The following WNT9B variants were observed in gnomAD, a reference collection of about 807,000 sequenced individuals.
WNT9B encodes the protein protein Wnt-9b.
WNT9B carries 12 observed loss-of-function variants against 30.2 expected under a neutral mutation model. The observed-to-expected ratio is 0.40, with a 90% CI of 0.26 to 0.64. The LOEUF (loss-of-function observed/expected upper bound fraction) is 0.64, where lower values mean the gene tolerates loss of function less well. Among genes scored for constraint, WNT9B ranks in the 30% least tolerant of loss-of-function variants. The probability of loss-of-function intolerance (pLI) is 0.42; values close to 1 mark genes in which losing one functional copy is unlikely to be tolerated. For synonymous variants in WNT9B, 218 were observed against 216.9 expected, an observed-to-expected ratio of 1.01 and a Z score of -0.05; for missense variants, 442 against 485.2, an observed-to-expected ratio of 0.91 and a Z score of 0.84.
In WNT9B at chr17:46,878,142, C is replaced by A. The variant is rs1023683593; in HGVS notation, c.*1424C>A. ...GGGTCCCCTTGCTGGAGGCATTGTA[C>A]TTCCCCAGAGTGGGGCCCGATGCCA... On this transcript the variant is annotated 3_prime_UTR_variant, in exon 4 of 4. Coordinates refer to ENST00000290015, the MANE Select transcript of WNT9B (RefSeq NM_003396.3). Among the ~76,000 whole-genome samples, 6 of 152,238 alleles carry A rather than the reference C, an allele frequency of 3.9e-5. No individual in the cohort carries two copies. Among genetic ancestry groups the A allele is most frequent in the African/African-American group, 1.4e-4 (6 of 41,460 alleles).
intron 1 of WNT9B, among the ~76,000 whole-genome samples, chr17:46,834,925 T>A (rs954608314): frequency 2.6e-5 from 4 of 152,146 alleles, no homozygotes; most frequent in African/African-American, 9.7e-5. Context: ...CCTGTCAGTG[T>A]TCCTCCCCCA....
At chr17:46,835,207 C>T (rs1316360214) in intron 1 of WNT9B, among the ~76,000 whole-genome samples, 2 of 151,594 alleles carry the variant, frequency 1.3e-5, no homozygotes, top group East Asian at 1.9e-4. Context: ...CCATGTTGTC[C>T]CTTATTCTTT....
chr17:46,883,802 TCTC>T (rs1485455422), downstream of WNT9B, among the ~76,000 whole-genome samples: 2 of 152,064 alleles, frequency 1.3e-5, no homozygotes, highest in African/African-American at 2.4e-5. Context: ...CTCCTTGTCT[TCTC>T]CTCTCTCTCT....
chr17:46,865,063 G>T (rs936674573), intron 1 of WNT9B, among the ~76,000 whole-genome samples: 19 of 152,206 alleles, frequency 1.2e-4, no homozygotes, highest in Non-Finnish European at 2.5e-4. Flanking sequence ...TGACTTTGGG[G>T]ACCCTCCGCA....
At chr17:46,864,298 C>T (rs2085095994) in intron 1 of WNT9B, among the ~76,000 whole-genome samples, 1 of 152,180 alleles carries the variant, frequency 6.6e-6, no homozygotes, top group African/African-American at 2.4e-5. Flanking sequence ...TTTGCCTTTC[C>T]CTGAACTTCC....
chr17:46,853,979 GAT>G (rs1318982859), intron 1 of WNT9B, among the ~76,000 whole-genome samples: 1 of 151,792 alleles, frequency 6.6e-6, no homozygotes, highest in Non-Finnish European at 1.5e-5. Context: ...TGACATGTGA[GAT>G]GGTCAAATAG....
In WNT9B at chr17:46,875,314, A is replaced by G. The variant is rs2085326324; in HGVS notation, c.548A>G (p.Asn183Ser). The G allele has an allele frequency of 6.2e-7, 1 of 1,613,628 alleles. No homozygotes were observed. The highest frequency in any genetic ancestry group is 1.3e-5 in the African/African-American group (1 of 75,046). Residue 183 changes from asparagine to serine, a missense_variant, in exon 3 of 4, where the codon AAC (asparagine) becomes AGC (serine). By Grantham distance (46) the Asn-to-Ser change is conservative (BLOSUM62 1). Transcript: ENST00000290015. ...LSNFLGSKRG[N>S]KDLRARADAH... ...AACTTCCTGGGGTCCAAGAGAGGAA[A>G]CAAGGACCTGCGGGCACGGGCAGAC...
upstream of WNT9B, among the ~76,000 whole-genome samples, chr17:46,851,376 T>A (rs1353296479): frequency 7.1e-6 from 1 of 141,264 alleles, no homozygotes; most frequent in Non-Finnish European, 1.6e-5. This position sits in a 1 kb window ranked among gnomAD's most constrained non-coding sequence, Gnocchi z 4.3. Context: ...AGCGCTCACC[T>A]GGGGCCGGAG....
intron 1 of WNT9B, among the ~76,000 whole-genome samples, chr17:46,856,553 C>T (rs978210417): frequency 1.3e-5 from 2 of 150,788 alleles, no homozygotes; most frequent in East Asian, 1.9e-4. Context: ...GGTGCAATCT[C>T]GGCTCACTGC....
chr17:46,854,555 C>G lies in WNT9B; in HGVS notation c.77+2840C>G, dbSNP rs1351346029. The stretch of plus-strand genomic sequence containing the variant: ...TTCAGATGAGGCAACCCCCAAACCC[C>G]AAACCACAGTGAGCCAGCTGTTGGT... On this transcript the variant is annotated intron_variant, in intron 1 of 3. Transcript: ENST00000290015. 3.9e-5 allele frequency among the ~76,000 whole-genome samples: 6 copies of G among 152,284 alleles called. No individual in the cohort carries two copies. In the East Asian group the frequency reaches 1.2e-3, roughly 29 times the overall value.
chr17:46,851,631 C>A lies in WNT9B; in HGVS notation c.-8C>A. The A allele has an allele frequency of 7.9e-7, 1 of 1,270,656 alleles. No homozygotes were observed. Among genetic ancestry groups the A allele is most frequent in the Non-Finnish European group, 9.9e-7 (1 of 1,011,868 alleles). The allele number at this position is 1,270,656 out of a possible 1,614,324, so 78.7% of individuals were successfully genotyped here. On this transcript the variant is annotated 5_prime_UTR_variant, in exon 1 of 4. Transcript: ENST00000290015. The surrounding 1 kb of genome is among the most constrained non-coding windows in gnomAD (Gnocchi z 4.3). Reference sequence around the variant, plus strand: ...GGAGATGCTAGAGGGCGCAGCGCCGCCAGCACCATGCGCCCCCCGCCCGCG... The same window carrying A: ...GGAGATGCTAGAGGGCGCAGCGCCGACAGCACCATGCGCCCCCCGCCCGCG...
chr17:46,865,818 C>G (rs1046602051), intron 1 of WNT9B, among the ~76,000 whole-genome samples: 1 of 152,138 alleles, frequency 6.6e-6, no homozygotes, highest in Non-Finnish European at 1.5e-5. Flanking sequence ...ACTTACGTTG[C>G]CCAGGCTGGT....
At chr17:46,871,830 C>T (rs985309918) in intron 1 of WNT9B, among the ~76,000 whole-genome samples, 2 of 152,220 alleles carry the variant, frequency 1.3e-5, no homozygotes, top group Non-Finnish European at 2.9e-5. Context: ...TCAGTCCTTC[C>T]TTCCTTCCCT....
At chr17:46,842,882 CA>C (rs2084732585) in intron 1 of WNT9B, among the ~76,000 whole-genome samples, 2 of 152,176 alleles carry the variant, frequency 1.3e-5, no homozygotes, top group African/African-American at 4.8e-5. Flanking sequence ...CATTTCTCAC[CA>C]CTGTTCTGTG....
chr17:46,838,790 CAG>C (rs2084663948), intron 1 of WNT9B, among the ~76,000 whole-genome samples: 1 of 152,134 alleles, frequency 6.6e-6, no homozygotes, highest in South Asian at 2.1e-4. Flanking sequence ...TTTACAAAAA[CAG>C]ATAATTTGGC....
At chr17:46,876,133 G>C (rs2085340987) in intron 3 of WNT9B, 112 bp from the exon 4 acceptor site, 1 of 1,029,604 alleles carries the variant, frequency 9.7e-7, no homozygotes. Context: ...TGAGACCCTG[G>C]GTCTCTTTCC....
chr17:46,870,153 C>T (rs184343282), intron 1 of WNT9B, among the ~76,000 whole-genome samples: 19 of 152,320 alleles, frequency 1.2e-4, no homozygotes, highest in Non-Finnish European at 2.4e-4. Context: ...TCCCTGCTTG[C>T]TCTCCCCTCT....
chr17:46,849,872 G>T (rs1171354228), upstream of WNT9B, among the ~76,000 whole-genome samples: 1 of 145,576 alleles, frequency 6.9e-6, no homozygotes, highest in Non-Finnish European at 1.5e-5. Context: ...TTTTGAGATG[G>T]AGTCCCATTC....
In WNT9B at chr17:46,876,840, A is replaced by C. The variant is rs1336575904; in HGVS notation, c.*122A>C. On this transcript the variant is annotated 3_prime_UTR_variant, in exon 4 of 4. Transcript: ENST00000290015. ...CATGCATAAACCGGCATGTGTGCCA[A>C]TGCACACGAGTGTGCCACTCACCAC... is the stretch of plus-strand genomic sequence containing the variant. The C allele has an allele frequency of 5.6e-6, 8 of 1,434,572 alleles. No individual in the cohort carries two copies. Among genetic ancestry groups the C allele is most frequent in the South Asian group, 1.5e-5 (1 of 64,638 alleles). The allele number at this position is 1,434,572 out of a possible 1,614,324, so 88.9% of individuals were successfully genotyped here.
Sources: allele counts gnomAD v4.1 joint callset (sites outside exome capture counted in the v4.1 genomes callset), GRCh38; gene constraint gnomAD v4.1.1; non-coding constraint Gnocchi (gnomAD v3.1); transcripts MANE v1.5; gene names NCBI Gene and HGNC (gene_info 2026-07-23, HGNC 2026-07-21).